DES: variants seen among roughly 807,000 people sequenced by gnomAD.
DES encodes the protein cardiomyopathy, dilated 1F (autosomal dominant).
A neutral mutation model predicts 55.1 loss-of-function variants in DES; 34 were observed. That is an observed-to-expected ratio of 0.62 (90% confidence interval 0.47 to 0.82). DES has a LOEUF of 0.82. Among genes scored for constraint, DES ranks in the 40% least tolerant of loss-of-function variants. The pLI is 0.00. For missense variants in DES, 596 were observed against 645.9 expected (o/e 0.92, Z 0.84); for synonymous variants, 259 against 270.8 (o/e 0.96, Z 0.43).
intron 7 of DES, 74 bp downstream of exon 7, chr2:219,423,894 G>T: frequency 6.5e-7 from 1 of 1,530,650 alleles, no homozygotes; most frequent in African/African-American, 1.4e-5. Flanking sequence ...CCCAAGGCCA[G>T]CCAGGAGGGA....
rs111868605 is a variant in DES at position 219,419,960 on chromosome 2, T to C, written c.579-135T>C. 1.1e-6 allele frequency: 1 copy of C among 908,240 alleles called. No homozygotes were observed. The allele number at this position is 908,240 out of a possible 1,614,324, so 56.3% of individuals were successfully genotyped here. On this transcript the variant is annotated intron_variant, in intron 1 of 8. Transcript: ENST00000373960. This position sits in a 1 kb window ranked among gnomAD's most constrained non-coding sequence, Gnocchi z 4.3. ...GTGGGTGGGGCCTCTCCACTCCCTG[T>C]CTCTCCTGCCTCTACCCAGCAGCCA...
rs1954421395 is a variant in DES at position 219,420,623 on chromosome 2, C to A, written c.864C>A (p.Asn288Lys). Reference protein sequence around the residue: ...RAQYETIAAKNISEAEEWYKS... With the variant: ...RAQYETIAAKKISEAEEWYKS... ...AGTATGAGACCATCGCGGCTAAGAA[C>A]ATTTCTGAAGCTGAGGAGTGGTACA... The change falls in exon 4 of 9, where the codon AAC (asparagine) becomes AAA (lysine). Residue 288 changes from asparagine to lysine, a missense_variant. Physicochemically the swap from Asn to Lys is moderately conservative, Grantham distance 94. Transcript: ENST00000373960. This position sits in a 1 kb window ranked among gnomAD's most constrained non-coding sequence, Gnocchi z 6.0. 6.2e-7 allele frequency: 1 copy of A among 1,614,028 alleles called. No individual in the cohort carries two copies. The highest frequency in any genetic ancestry group is 1.6e-4 in the Middle Eastern group (1 of 6,062).
Position 219,422,463 on chromosome 2 carries a change from C to CTTTTTT in DES, c.1244+917_1244+922dup, listed in dbSNP as rs71040455. Among the ~76,000 whole-genome samples, 17 of 103,492 alleles carry CTTTTTT rather than the reference C, an allele frequency of 1.6e-4. 1 individual carries two copies. Among genetic ancestry groups the CTTTTTT allele is most frequent in the Non-Finnish European group, 2.3e-4 (13 of 56,180 alleles). The allele number at this position is 103,492 out of a possible 152,430, so 67.9% of individuals were successfully genotyped here. A position where few individuals can be genotyped will look rare whatever the true frequency, so the allele number is the denominator to read the frequency against. On this transcript the variant is annotated intron_variant, in intron 6 of 8. Transcript: ENST00000373960. ...GTGGGATAACAGAAATGTTCTATAT[C>CTTTTTT]TTTTTTTTTTTTTTTTTTTGAGACA...
In DES at chr2:219,421,505, G is replaced by T. The variant is rs727502951; in HGVS notation, c.1189G>T (p.Ala397Ser). Residue 397 changes from alanine to serine, a missense_variant, in exon 6 of 9, where the codon GCC becomes TCC. Transcript: ENST00000373960. The stretch of plus-strand genomic sequence containing the variant: ...CCAGGACCTGCTCAACGTGAAGATG[G>T]CCCTGGATGTGGAGATTGCCACCTA... ...EYQDLLNVKM[A>S]LDVEIATYRK... 3 of 1,614,000 alleles carry T rather than the reference G, an allele frequency of 1.9e-6. No homozygotes were observed. The highest frequency in any genetic ancestry group is 2.5e-6 in the Non-Finnish European group (3 of 1,180,038).
In DES at chr2:219,426,457, T is replaced by G; in HGVS notation, c.*467T>G. On this transcript the variant is annotated 3_prime_UTR_variant, in exon 9 of 9. Transcript: ENST00000373960. The surrounding 1 kb of genome is among the most constrained non-coding windows in gnomAD (Gnocchi z 4.5). Reference sequence around the variant, plus strand: ...CAGGGGGACTAGCCCCTGTGGAGACTGGGGGGCTTGAAATTGTCCCCGTGG... The same window carrying G: ...CAGGGGGACTAGCCCCTGTGGAGACGGGGGGGCTTGAAATTGTCCCCGTGG... 8.3e-6 allele frequency: 2 copies of G among 242,312 alleles called. No homozygotes were observed. Among genetic ancestry groups the G allele is most frequent in the Non-Finnish European group, 1.7e-5 (2 of 121,170 alleles). The allele number at this position is 242,312 out of a possible 1,614,324, so 15.0% of individuals were successfully genotyped here. A position where few individuals can be genotyped will look rare whatever the true frequency, so the allele number is the denominator to read the frequency against.
chr2:219,421,811 C>T (rs746194016), intron 6 of DES, among the ~76,000 whole-genome samples: 5 of 152,120 alleles, frequency 3.3e-5, no homozygotes, highest in South Asian at 4.1e-4. Flanking sequence ...GGATTACAGG[C>T]GCCTACCACC....
rs767115272 is a variant in DES, at chr2:219,420,781, C to T, written c.898-47C>T. The T allele has an allele frequency of 9.9e-6, 16 of 1,613,288 alleles. 1 individual carries two copies. The highest frequency in any genetic ancestry group is 6.7e-5 in the Admixed American group (4 of 59,980). On this transcript the variant is annotated intron_variant, in intron 4 of 8. Transcript: ENST00000373960. The surrounding 1 kb of genome is among the most constrained non-coding windows in gnomAD (Gnocchi z 6.0). ...TCATGCTCCCTTGCTCATCCCTACC[C>T]GTGCCCTGCATCCTTCTCATTTTTG...
chr2:219,422,463 C>CTTTTTTTTTTTTTTTTTTT (rs71040455), intron 6 of DES, among the ~76,000 whole-genome samples: 3 of 103,498 alleles, frequency 2.9e-5, no homozygotes, highest in Admixed American at 1.3e-4. Flanking sequence ...TGTTCTATAT[C>CTTTTTTTTTTTTTTTTTTT]TTTTTTTTTT....
chr2:219,421,322 G>C lies in DES; in HGVS notation c.1024-18G>C. 6.2e-7 allele frequency: 1 copy of C among 1,613,806 alleles called. No homozygotes were observed. The highest frequency in any genetic ancestry group is 8.5e-7 in the Non-Finnish European group (1 of 1,179,816). On this transcript the variant is annotated intron_variant, in intron 5 of 8. Transcript: ENST00000373960. ...TGTCCTCTTCCCTTCCTTGACCTGG[G>C]TTCCCCCTCTCCTGCAGAACGATTC...
chr2:219,423,632 G>A lies in DES; in HGVS notation c.1245-145G>A, dbSNP rs1954482898. ...TTTTTTGTATTTTTAGTAGAGACGG[G>A]GTTTCACTGTGTTAGCCAGGATGGT... On this transcript the variant is annotated intron_variant, in intron 6 of 8. Transcript: ENST00000373960. The A allele has an allele frequency of 4.1e-6, 3 of 733,294 alleles. No individual in the cohort carries two copies. The South Asian group carries it at 4.2e-5, about 10-fold the overall frequency. The allele number at this position is 733,294 out of a possible 1,614,324, so 45.4% of individuals were successfully genotyped here.
At chr2:219,425,538 C>G (rs1029344320) in intron 7 of DES, 125 bp from the exon 8 acceptor site, 3 of 812,416 alleles carry the variant, frequency 3.7e-6, no homozygotes, top group Admixed American at 2.0e-5. Context: ...AAGTAACAAG[C>G]CTGTCTTGAG....
In DES at chr2:219,425,945, C is replaced by T; in HGVS notation, c.1372-4C>T. 6.2e-7 allele frequency: 1 copy of T among 1,614,042 alleles called. No homozygotes were observed. ...GGTTGGACTGGGCTTCTCTTCCTCC[C>T]CAGGTCGTCAGTGAGGCCACACAGC... is the stretch of plus-strand genomic sequence containing the variant. On this transcript the variant is annotated splice_polypyrimidine_tract_variant and splice_region_variant and intron_variant, in intron 8 of 8. Coordinates refer to ENST00000373960, the MANE Select transcript of DES (RefSeq NM_001927.4).
In DES at chr2:219,420,247, C is replaced by G. The variant is rs375680081; in HGVS notation, c.640-4C>G. The G allele has an allele frequency of 1.7e-5, 28 of 1,614,050 alleles. 1 individual carries two copies. The Middle Eastern group carries it at 4.9e-4, about 28-fold the overall frequency. On this transcript the variant is annotated splice_region_variant and splice_polypyrimidine_tract_variant and intron_variant, in intron 2 of 8. Coordinates refer to ENST00000373960, the MANE Select transcript of DES (RefSeq NM_001927.4). The surrounding 1 kb of genome is among the most constrained non-coding windows in gnomAD (Gnocchi z 6.0). The stretch of plus-strand genomic sequence containing the variant: ...CCATGTCCTTCTCGCTTGGCCTCTC[C>G]CAGGACGTGGATGCAGCTACTCTAG...
At position 219,426,638 on chromosome 2, in the gene DES, G is replaced by A. The variant is rs1468638201; in HGVS notation, c.*648G>A. On this transcript the variant is annotated 3_prime_UTR_variant, in exon 9 of 9. Coordinates refer to ENST00000373960, the MANE Select transcript of DES (RefSeq NM_001927.4). This position sits in a 1 kb window ranked among gnomAD's most constrained non-coding sequence, Gnocchi z 4.5. Reference sequence around the variant, plus strand: ...AGAGGAGAGGAGAGAGGCAGAGAGCGGTCTCAGGCTGGTGGGAGGGGCGCC... The same window carrying A: ...AGAGGAGAGGAGAGAGGCAGAGAGCAGTCTCAGGCTGGTGGGAGGGGCGCC... 1.9e-5 allele frequency: 3 copies of A among 158,166 alleles called. No homozygotes were observed. The highest frequency in any genetic ancestry group is 1.9e-4 in the East Asian group (1 of 5,382). The allele number at this position is 158,166 out of a possible 1,614,324, so 9.8% of individuals were successfully genotyped here.
chr2:219,422,940 A>G (rs1253109153), intron 6 of DES, among the ~76,000 whole-genome samples: 1 of 152,362 alleles, frequency 6.6e-6, no homozygotes. Flanking sequence ...CATAAAAATA[A>G]TATCTGAAAT....
intron 6 of DES, among the ~76,000 whole-genome samples, 195 bp downstream of exon 6, chr2:219,421,755 C>T (rs1193582322): frequency 6.6e-6 from 1 of 152,102 alleles, no homozygotes; most frequent in Non-Finnish European, 1.5e-5. Context: ...CAACCTCCGC[C>T]TCCTGGGTTC....
chr2:219,418,744 C>T lies in DES; in HGVS notation c.282C>T (p.Ala94=), dbSNP rs397516693. Reference sequence around the variant, plus strand: ...GCGAGCTGCTGGACTTCTCACTGGCCGACGCGGTGAACCAGGAGTTTCTGA... The same window carrying T: ...GCGAGCTGCTGGACTTCTCACTGGCTGACGCGGTGAACCAGGAGTTTCTGA... ...GAGELLDFSL[A]DAVNQEFLTT... is the part of the protein sequence containing the mutation. The change falls in exon 1 of 9, where the codon GCC becomes GCT. Residue 94 remains alanine (A), a synonymous_variant. Coordinates refer to ENST00000373960, the MANE Select transcript of DES (RefSeq NM_001927.4). 2 of 1,561,676 alleles carry T rather than the reference C, an allele frequency of 1.3e-6. No homozygotes were observed. Among genetic ancestry groups the T allele is most frequent in the East Asian group, 2.4e-5 (1 of 42,150 alleles).
At position 219,418,383 on chromosome 2, in the gene DES, C is replaced by T; in HGVS notation, c.-80C>T. The stretch of plus-strand genomic sequence containing the variant: ...GCCGACGGCTGGGGGCCCTGTCTCC[C>T]CTCGCCGCATCCACTCTCCGGCCGG... On this transcript the variant is annotated 5_prime_UTR_variant, in exon 1 of 9. Transcript: ENST00000373960. 1 of 1,418,564 alleles carries T rather than the reference C, an allele frequency of 7.0e-7. No homozygotes were observed. Among genetic ancestry groups the T allele is most frequent in the Non-Finnish European group, 9.4e-7 (1 of 1,065,918 alleles). The allele number at this position is 1,418,564 out of a possible 1,614,324, so 87.9% of individuals were successfully genotyped here.
At chr2:219,421,277 AG>A (rs1954435577) in intron 5 of DES, 62 bp from the exon 6 acceptor site, 2 of 1,590,920 alleles carry the variant, frequency 1.3e-6, no homozygotes, top group Admixed American at 1.7e-5. Context: ...CCAGCCCCAA[AG>A]CTTTCTTTGG....
Sources: allele counts gnomAD v4.1 joint callset (sites outside exome capture counted in the v4.1 genomes callset), GRCh38; gene constraint gnomAD v4.1.1; non-coding constraint Gnocchi (gnomAD v3.1); transcripts MANE v1.5; gene names NCBI Gene and HGNC (gene_info 2026-07-23, HGNC 2026-07-21).